TNRC18: variants seen among roughly 807,000 people sequenced by gnomAD.
TNRC18 encodes the protein trinucleotide repeat containing 18.
Under a neutral mutation model 226.7 loss-of-function variants are expected in TNRC18, and 69 were observed. The observed-to-expected ratio is 0.30, with a 90% CI of 0.25 to 0.37. The LOEUF is 0.37. Ranked by LOEUF, TNRC18 falls within the 10% of genes least tolerant of loss-of-function variation. The probability of loss-of-function intolerance (pLI) is 1.00; values close to 1 mark genes in which losing one functional copy is unlikely to be tolerated. For missense variants in TNRC18, 4,754 were observed against 4,256.6 expected (o/e 1.12, Z -3.25); for synonymous variants, 2,449 against 1,927.6 (o/e 1.27, Z -7.09).
intron 19 of TNRC18, among the ~76,000 whole-genome samples, chr7:5,330,451 G>C (rs1302474058): frequency 6.9e-6 from 1 of 145,432 alleles, no homozygotes; most frequent in South Asian, 2.2e-4. Context: ...TTGCTGTGTT[G>C]CCCAGGCCAG....
chr7:5,412,033 AAC>A (rs1022105703), intron 2 of TNRC18, among the ~76,000 whole-genome samples: 4 of 151,970 alleles, frequency 2.6e-5, no homozygotes, highest in African/African-American at 9.7e-5. Flanking sequence ...AAAAAAATTT[AAC>A]AGTTAGCCAG....
chr7:5,419,434 C>T (rs562568901), intron 2 of TNRC18, among the ~76,000 whole-genome samples: 2 of 152,310 alleles, frequency 1.3e-5, no homozygotes, highest in Admixed American at 6.5e-5. Flanking sequence ...CCACTCCGGG[C>T]TGGACCAAAT....
At chr7:5,331,296 C>G (rs1463044983) in intron 19 of TNRC18, among the ~76,000 whole-genome samples, 1 of 152,160 alleles carries the variant, frequency 6.6e-6, no homozygotes, top group African/African-American at 2.4e-5. Context: ...GAGGAAGCAA[C>G]TGGCCCTCAG....
chr7:5,361,501 C>A (rs1449988715), intron 14 of TNRC18, 93 bp downstream of exon 14: 2 of 1,380,388 alleles, frequency 1.4e-6, no homozygotes, highest in Non-Finnish European at 1.9e-6. Flanking sequence ...GACGCGAGGT[C>A]CCCCAGCACC....
In TNRC18 at chr7:5,370,848, A is replaced by T; in HGVS notation, c.3746T>A (p.Leu1249Gln). ...GGCCTCCACCAGTGTCTCGGGTGTC[A>T]GCTGCACCCCCAGGTCCAGGGCGGC... ...CTAALDLGVQ[L>Q]TPETLVEAKE... The change falls in exon 11 of 30, where the codon CTG becomes CAG. Residue 1249 changes from leucine (L) to glutamine (Q), a missense_variant. Transcript: ENST00000430969. 1 of 1,609,172 alleles carries T rather than the reference A, an allele frequency of 6.2e-7. No homozygotes were observed. Among genetic ancestry groups the T allele is most frequent in the Non-Finnish European group, 8.5e-7 (1 of 1,179,646 alleles).
chr7:5,415,498 T>G (rs926095977), intron 2 of TNRC18, among the ~76,000 whole-genome samples: 5 of 146,744 alleles, frequency 3.4e-5, no homozygotes, highest in Admixed American at 1.4e-4. Flanking sequence ...TGCTTCAGCC[T>G]CCCCGAGTAG....
At chr7:5,350,753 C>A (rs538632836) in intron 17 of TNRC18, among the ~76,000 whole-genome samples, 8 of 152,332 alleles carry the variant, frequency 5.3e-5, no homozygotes, top group African/African-American at 1.9e-4. Context: ...CCAGCGGGTT[C>A]TCAGGGGCCT....
intron 13 of TNRC18, 73 bp from the exon 14 acceptor site, chr7:5,361,795 C>T: frequency 6.5e-7 from 1 of 1,531,232 alleles, no homozygotes; most frequent in Non-Finnish European, 8.8e-7. Context: ...ACACGATGCA[C>T]ACACGGCGCC....
chr7:5,313,853 A>G lies in TNRC18; in HGVS notation c.7038T>C (p.Ala2346=). The G allele has an allele frequency of 8.8e-6, 13 of 1,481,098 alleles. No individual in the cohort carries two copies. Among genetic ancestry groups the G allele is most frequent in the Non-Finnish European group, 1.2e-5 (13 of 1,115,448 alleles). 91.7% of individuals were successfully genotyped at this position (1,481,098 alleles called of 1,614,324 possible). ...PSAKAKGDRA[A]TLEEGNPTDE... ...CTGTTGGGTTCCCCTCCTCCAGGGTAGCGGCTCTGTCTGCAAAACAAAACA... is the reference window on the plus strand; with the variant it reads ...CTGTTGGGTTCCCCTCCTCCAGGGTGGCGGCTCTGTCTGCAAAACAAAACA... Residue 2346 remains alanine, a synonymous_variant, in exon 27 of 30, where the codon GCT becomes GCC. Coordinates refer to ENST00000430969, the MANE Select transcript of TNRC18 (RefSeq NM_001080495.3).
chr7:5,317,970 G>A (rs1169465360), intron 24 of TNRC18, among the ~76,000 whole-genome samples: 1 of 152,002 alleles, frequency 6.6e-6, no homozygotes, highest in Non-Finnish European at 1.5e-5. Context: ...CCCGGGTTCA[G>A]GTGATTCTTT....
chr7:5,390,783 T>G (rs1478911722), intron 3 of TNRC18, among the ~76,000 whole-genome samples, 155 bp from the exon 4 acceptor site: 1 of 152,080 alleles, frequency 6.6e-6, no homozygotes, highest in Non-Finnish European at 1.5e-5. Flanking sequence ...TGCATTCTCC[T>G]GCTCCCCAAC....
chr7:5,317,764 G>C (rs1250406456), intron 24 of TNRC18, among the ~76,000 whole-genome samples: 1 of 150,192 alleles, frequency 6.7e-6, no homozygotes, highest in Non-Finnish European at 1.5e-5. Context: ...GGAATGCAAT[G>C]GCGCAATCAT....
chr7:5,366,134 G>A (rs753037533), intron 11 of TNRC18, among the ~76,000 whole-genome samples: 43 of 151,928 alleles, frequency 2.8e-4, no homozygotes, highest in African/African-American at 9.7e-4. Flanking sequence ...CTATTCATTC[G>A]CATCTCTGCT....
At chr7:5,308,487 G>A (rs184473532) in intron 29 of TNRC18, among the ~76,000 whole-genome samples, 175 bp from the exon 30 acceptor site, 6 of 152,244 alleles carry the variant, frequency 3.9e-5, no homozygotes, top group East Asian at 1.9e-4. Flanking sequence ...GACAGAGACC[G>A]AGAGATGGAG....
chr7:5,420,323 T>C (rs1285163471), intron 2 of TNRC18: 1 of 454,228 alleles, frequency 2.2e-6, no homozygotes, highest in South Asian at 1.6e-5. Context: ...CCCGCTCTCT[T>C]CTTTCCCCCT....
chr7:5,392,999 A>G (rs1289917976), intron 3 of TNRC18, among the ~76,000 whole-genome samples: 4 of 152,192 alleles, frequency 2.6e-5, no homozygotes, highest in East Asian at 1.9e-4. Flanking sequence ...GCGACAGAGC[A>G]AGACCCTGTC....
chr7:5,320,662 C>G, intron 22 of TNRC18, 55 bp from the exon 23 acceptor site: 6 of 1,492,228 alleles, frequency 4.0e-6, no homozygotes, highest in Non-Finnish European at 5.5e-6. Flanking sequence ...CCCAGAGGGC[C>G]TCAATCCCAC....
intron 27 of TNRC18, among the ~76,000 whole-genome samples, chr7:5,311,062 T>C (rs1172100263): frequency 6.6e-6 from 1 of 152,268 alleles, no homozygotes; most frequent in Non-Finnish European, 1.5e-5. Context: ...GTGTAGTGTA[T>C]TTGCATATGT....
intron 11 of TNRC18, among the ~76,000 whole-genome samples, chr7:5,365,273 A>C (rs570668149): frequency 2.4e-4 from 36 of 152,004 alleles, no homozygotes; most frequent in Non-Finnish European, 4.9e-4. Flanking sequence ...CGTCACACCC[A>C]GCTAGTTTTT....
Sources: allele counts gnomAD v4.1 joint callset (sites outside exome capture counted in the v4.1 genomes callset), GRCh38; gene constraint gnomAD v4.1.1; transcripts MANE v1.5; gene names NCBI Gene and HGNC (gene_info 2026-07-23, HGNC 2026-07-21).